ITPR1: variants seen among roughly 807,000 people sequenced by gnomAD.
The protein encoded by ITPR1 is inositol 1,4,5-trisphosphate-gated calcium channel ITPR1.
In ITPR1, 96 loss-of-function variants were observed where a neutral mutation model predicts 318.4. The ratio of observed to expected loss-of-function variants is 0.30; its 90% CI spans 0.26 to 0.36. The LOEUF is 0.36. Among genes scored for constraint, ITPR1 ranks in the 10% least tolerant of loss-of-function variants. The pLI is 1.00. For missense variants in ITPR1, 2,440 were observed against 3,460.2 expected, an observed-to-expected ratio of 0.71 and a Z score of 7.40; for synonymous variants, 1,312 against 1,289.9, an observed-to-expected ratio of 1.02 and a Z score of -0.37.
chr3:4,822,652 T>C (rs1026664884), intron 60 of ITPR1, among the ~76,000 whole-genome samples: 1 of 152,172 alleles, frequency 6.6e-6, no homozygotes, highest in Non-Finnish European at 1.5e-5. Context: ...AGATTAATCA[T>C]GAAATCATTC....
At chr3:4,783,971 T>C in intron 51 of ITPR1, 51 bp downstream of exon 51, 1 of 1,210,850 alleles carries the variant, frequency 8.3e-7, no homozygotes, top group Non-Finnish European at 1.2e-6. Flanking sequence ...GCCATTAGTG[T>C]GCAATGCCCT....
intron 4 of ITPR1, among the ~76,000 whole-genome samples, chr3:4,529,326 T>A (rs2083229291): frequency 6.6e-6 from 1 of 152,244 alleles, no homozygotes; most frequent in African/African-American, 2.4e-5. Flanking sequence ...ATCACTGTAT[T>A]GCTTTTGTGA....
chr3:4,715,458 C>T (rs189936024), intron 39 of ITPR1, among the ~76,000 whole-genome samples: 3 of 152,334 alleles, frequency 2.0e-5, no homozygotes, highest in Admixed American at 6.5e-5. Context: ...TCATCCAAAA[C>T]CTGTAGTTTT....
At chr3:4,671,036 TAA>T in intron 20 of ITPR1, 110 bp downstream of exon 20, 2 of 769,336 alleles carry the variant, frequency 2.6e-6, no homozygotes, top group Non-Finnish European at 3.9e-6. Context: ...AGTCATCTTG[TAA>T]GATTGTCTAG....
At chr3:4,808,744 AAGG>A (rs2106482330) in intron 55 of ITPR1, among the ~76,000 whole-genome samples, 1 of 152,328 alleles carries the variant, frequency 6.6e-6, no homozygotes, top group East Asian at 1.9e-4. Context: ...CTGCCTGTAA[AAGG>A]AGAGAGACCT....
intron 53 of ITPR1, among the ~76,000 whole-genome samples, chr3:4,799,118 C>A (rs954360801): frequency 2.0e-5 from 3 of 152,212 alleles, no homozygotes; most frequent in African/African-American, 7.2e-5. Context: ...CCATCGACTT[C>A]AGAGGCAAAT....
At chr3:4,789,291 G>T (rs1451470702) in intron 52 of ITPR1, among the ~76,000 whole-genome samples, 2 of 152,220 alleles carry the variant, frequency 1.3e-5, no homozygotes, top group Non-Finnish European at 1.5e-5. Context: ...GGCCTCCACG[G>T]TATGGACCTC....
chr3:4,768,649 A>G lies in ITPR1; in HGVS notation c.5864A>G (p.Gln1955Arg). 1 of 1,614,002 alleles carries G rather than the reference A, an allele frequency of 6.2e-7. No homozygotes were observed. Residue 1955 changes from glutamine (Q) to arginine (R), a missense_variant, in exon 46 of 62, where the codon CAG becomes CGG. Physicochemically the swap from Gln to Arg is conservative, Grantham distance 43. Transcript: ENST00000649015. ...DDHYQPGEGT[Q>R]ATADKAKDDL... ...CACTACCAGCCTGGAGAGGGCACCCAGGCCACTGCCGACAAGGCCAAGGAC... is the reference window on the plus strand; with the variant it reads ...CACTACCAGCCTGGAGAGGGCACCCGGGCCACTGCCGACAAGGCCAAGGAC...
intron 25 of ITPR1, among the ~76,000 whole-genome samples, chr3:4,681,017 C>A (rs1417352645): frequency 6.6e-6 from 1 of 152,062 alleles, no homozygotes; most frequent in African/African-American, 2.4e-5. Context: ...ACTTCTTGAC[C>A]ACTAGCAGCT....
chr3:4,764,592 A>G (rs1437168417), intron 44 of ITPR1, among the ~76,000 whole-genome samples: 1 of 152,236 alleles, frequency 6.6e-6, no homozygotes, highest in Non-Finnish European at 1.5e-5. Context: ...GGCATGGAGA[A>G]TAAGCAATAG....
chr3:4,533,349 G>A (rs304055), intron 4 of ITPR1, among the ~76,000 whole-genome samples: 10,951 of 152,262 alleles, frequency 0.072, 549 homozygotes, highest in Non-Finnish European at 0.11. Context: ...TCAGTCATGG[G>A]TTCAAGTCCC....
intron 2 of ITPR1, among the ~76,000 whole-genome samples, chr3:4,504,692 A>C (rs1011826388): frequency 1.3e-5 from 2 of 152,204 alleles, no homozygotes; most frequent in African/African-American, 2.4e-5. Flanking sequence ...ATCGCCAAGC[A>C]TCTTTGCTCA....
intron 52 of ITPR1, among the ~76,000 whole-genome samples, chr3:4,793,149 C>T (rs2047677598): frequency 6.6e-6 from 1 of 152,164 alleles, no homozygotes; most frequent in South Asian, 2.1e-4. Context: ...AATGTTTGTC[C>T]AGATTGAAAA....
At chr3:4,550,305 C>T (rs1217942846) in intron 4 of ITPR1, among the ~76,000 whole-genome samples, 1 of 152,172 alleles carries the variant, frequency 6.6e-6, no homozygotes, top group Non-Finnish European at 1.5e-5. Context: ...ACACTGTAGG[C>T]ACAGGTGACA....
In ITPR1 at chr3:4,733,174, C is replaced by T. The variant is rs755066270; in HGVS notation, c.5307C>T (p.Gly1769=). ...SGRRESLTSF[G]NGPLSAGGPG... ...GAAGAGAGAGCCTTACCAGCTTTGG[C>T]AATGGCCCACTGTCAGCAGGAGGAC... The change falls in exon 43 of 62, where the codon GGC becomes GGT. Residue 1769 remains glycine, a synonymous_variant. Coordinates refer to ENST00000649015, the MANE Select transcript of ITPR1 (RefSeq NM_001378452.1). The T allele has an allele frequency of 5.6e-6, 9 of 1,613,986 alleles. No homozygotes were observed. The highest frequency in any genetic ancestry group is 6.8e-6 in the Non-Finnish European group (8 of 1,179,878).
At chr3:4,625,219 C>CTTTT (rs200304497) in intron 4 of ITPR1, among the ~76,000 whole-genome samples, 1 of 134,176 alleles carries the variant, frequency 7.5e-6, no homozygotes. Context: ...ATTAAGTGAT[C>CTTTT]TTTTTTTTTT....
intron 3 of ITPR1, 31 bp from the exon 4 acceptor site, chr3:4,520,993 T>C (rs779618930): frequency 6.5e-7 from 1 of 1,545,802 alleles, no homozygotes; most frequent in Non-Finnish European, 8.9e-7. Flanking sequence ...TTTCATACAC[T>C]TGACAGAGCA....
intron 44 of ITPR1, chr3:4,735,669 A>T (rs983713713): frequency 3.3e-6 from 1 of 304,916 alleles, no homozygotes; most frequent in Non-Finnish European, 6.2e-6. Context: ...AAATGATTGC[A>T]TGAAGTTTAT....
intron 60 of ITPR1, among the ~76,000 whole-genome samples, chr3:4,821,543 C>A (rs1193786782): frequency 1.3e-5 from 2 of 152,188 alleles, no homozygotes; most frequent in East Asian, 3.9e-4. Context: ...TCTTGGAAAC[C>A]CAGGCTGACT....
Sources: gnomAD v4.1 joint callset for allele counts (sites outside exome capture counted in the v4.1 genomes callset) on GRCh38, gnomAD v4.1.1 for gene constraint, MANE v1.5 for transcripts, NCBI Gene and HGNC (gene_info 2026-07-23, HGNC 2026-07-21) for gene names.